The following TM6SF1 variants were observed in gnomAD, a reference collection of about 807,000 sequenced individuals.
TM6SF1 encodes the protein transmembrane 6 superfamily member 1.
Under a neutral mutation model 47.1 loss-of-function variants are expected in TM6SF1, and 43 were observed. The observed-to-expected ratio is 0.91, with a 90% CI of 0.72 to 1.18. The LOEUF (loss-of-function observed/expected upper bound fraction) is 1.18, where lower values mean the gene tolerates loss of function less well. Ranked by LOEUF, TM6SF1 falls within the 50% of genes most tolerant of loss-of-function variation. The pLI is 0.00. For missense variants in TM6SF1, 390 were observed against 449.0 expected (o/e 0.87, Z 1.19); for synonymous variants, 177 against 166.3 (o/e 1.06, Z -0.49).
intron 7 of TM6SF1, 36 bp from the exon 8 acceptor site, chr15:83,126,719 A>G (rs779774733): frequency 5.8e-6 from 9 of 1,541,422 alleles, no homozygotes; most frequent in Non-Finnish European, 8.0e-6. Flanking sequence ...ACCAGATGTG[A>G]TTGTATTTTT....
At chr15:83,120,185 G>A (rs752109644) in intron 4 of TM6SF1, 13 of 159,608 alleles carry the variant, frequency 8.1e-5, no homozygotes, top group Non-Finnish European at 1.5e-4. Context: ...AACAGGAGCC[G>A]AGTCTGATGT....
intron 4 of TM6SF1, 90 bp from the exon 5 acceptor site, chr15:83,121,831 T>C (rs562466879): frequency 1.1e-6 from 1 of 944,772 alleles, no homozygotes; most frequent in East Asian, 2.4e-5. Context: ...TTTACTAGTT[T>C]GAATACAAAA....
chr15:83,125,581 TG>T (rs2035669797), intron 7 of TM6SF1, among the ~76,000 whole-genome samples: 1 of 152,370 alleles, frequency 6.6e-6, no homozygotes, highest in East Asian at 1.9e-4. Flanking sequence ...GGATTTTTAT[TG>T]ATCAGTGATC....
intron 1 of TM6SF1, chr15:83,111,701 TG>T (rs2034199508): frequency 1.0e-6 from 1 of 984,764 alleles, no homozygotes; most frequent in Middle Eastern, 5.2e-4. Flanking sequence ...GCCATTGGAG[TG>T]GGCCAGGTAG....
chr15:83,124,692 G>C lies in TM6SF1; in HGVS notation c.624G>C (p.Ala208=), dbSNP rs144140472. ...TTTAGGTTATTCAAGAAGCCCAAGC[G>C]AAAGACCTGCTGAGAAGACCATTTG... is the stretch of plus-strand genomic sequence containing the variant. The part of the protein sequence containing the change: ...YPSKVIQEAQ[A]KDLLRRPFDL... Residue 208 remains alanine, a synonymous_variant, in exon 7 of 10, where the codon GCG becomes GCC. Coordinates refer to ENST00000322019, the MANE Select transcript of TM6SF1 (RefSeq NM_023003.5). 13 of 1,613,880 alleles carry C rather than the reference G, an allele frequency of 8.1e-6. No homozygotes were observed. The highest frequency in any genetic ancestry group is 1.1e-5 in the Non-Finnish European group (13 of 1,179,964).
intron 9 of TM6SF1, chr15:83,129,552 A>G (rs531264952): frequency 4.7e-4 from 71 of 152,348 alleles, no homozygotes; most frequent in African/African-American, 1.6e-3. Flanking sequence ...TTATTTGCCT[A>G]AGATTACAGT....
In TM6SF1 at chr15:83,137,239, A is replaced by G. The variant is rs549176314; in HGVS notation, c.*567A>G. Reference sequence around the variant, plus strand: ...TAAATTTTTTTGTGTGAATTTAAACAGCTAAATAGGGATCAGTAACTTTAT... The same window carrying G: ...TAAATTTTTTTGTGTGAATTTAAACGGCTAAATAGGGATCAGTAACTTTAT... On this transcript the variant is annotated 3_prime_UTR_variant, in exon 10 of 10. Transcript: ENST00000322019. The G allele has an allele frequency of 5.9e-5, 9 of 152,316 alleles. No homozygotes were observed. The highest frequency in any genetic ancestry group is 1.9e-4 in the African/African-American group (8 of 41,594). 9.4% of individuals were successfully genotyped at this position (152,316 alleles called of 1,614,324 possible). A position where few individuals can be genotyped will look rare whatever the true frequency, so the allele number is the denominator to read the frequency against.
chr15:83,116,115 G>A (rs1355720550), intron 3 of TM6SF1, among the ~76,000 whole-genome samples, 173 bp downstream of exon 3: 3 of 152,196 alleles, frequency 2.0e-5, no homozygotes, highest in African/African-American at 7.2e-5. Context: ...CAGAAAGGAC[G>A]GTTAGATCAC....
At chr15:83,109,460 C>T (rs942950137) in intron 1 of TM6SF1, among the ~76,000 whole-genome samples, 14 of 152,156 alleles carry the variant, frequency 9.2e-5, no homozygotes, top group Non-Finnish European at 1.5e-4. Context: ...CATGATGGAG[C>T]GCACTGGCAA....
Position 83,116,392 on chromosome 15 carries a change from A to C in TM6SF1, c.294+450A>C, listed in dbSNP as rs1206034095. ...CCATGCTGCCCAAATCATAGCTTTGATACTACCTGGTACTCGAGAGAGCTA... is the reference window on the plus strand; with the variant it reads ...CCATGCTGCCCAAATCATAGCTTTGCTACTACCTGGTACTCGAGAGAGCTA... On this transcript the variant is annotated intron_variant, in intron 3 of 9. Transcript: ENST00000322019. 2.6e-5 allele frequency among the ~76,000 whole-genome samples: 4 copies of C among 152,184 alleles called. No individual in the cohort carries two copies. In the East Asian group the frequency reaches 7.7e-4, roughly 29 times the overall value.
intron 9 of TM6SF1, 38 bp from the exon 10 acceptor site, chr15:83,136,443 T>A (rs780813635): frequency 2.6e-6 from 4 of 1,540,662 alleles, no homozygotes; most frequent in Non-Finnish European, 3.5e-6. Context: ...CTGAACACGT[T>A]TCATGCTTAC....
chr15:83,120,488 A>C (rs1027680164), intron 4 of TM6SF1, among the ~76,000 whole-genome samples: 3 of 152,212 alleles, frequency 2.0e-5, no homozygotes, highest in Middle Eastern at 6.8e-3. Flanking sequence ...TCTGGGTTAC[A>C]GAAAGTCATG....
At chr15:83,122,137 T>C in intron 5 of TM6SF1, 134 bp downstream of exon 5, 1 of 754,216 alleles carries the variant, frequency 1.3e-6, no homozygotes, top group Non-Finnish European at 2.2e-6. Flanking sequence ...GCAGAATAAT[T>C]CCTTTTTCTC....
intron 1 of TM6SF1, among the ~76,000 whole-genome samples, chr15:83,109,522 C>T (rs1414727794): frequency 6.6e-6 from 1 of 152,194 alleles, no homozygotes; most frequent in African/African-American, 2.4e-5. Flanking sequence ...TGTCCTCTTG[C>T]AGGTTAAAAC....
chr15:83,129,613 T>C (rs2036065442), intron 9 of TM6SF1: 1 of 152,228 alleles, frequency 6.6e-6, no homozygotes, highest in African/African-American at 2.4e-5. Context: ...CCAAAGCTCA[T>C]ATTCTTCTCC....
intron 1 of TM6SF1, among the ~76,000 whole-genome samples, chr15:83,110,123 C>T (rs2034014175): frequency 6.6e-6 from 1 of 152,164 alleles, no homozygotes; most frequent in Non-Finnish European, 1.5e-5. Context: ...ACCTTTTATG[C>T]AACTCTGAAA....
chr15:83,116,115 G>C (rs1355720550), intron 3 of TM6SF1, among the ~76,000 whole-genome samples, 173 bp downstream of exon 3: 1 of 152,196 alleles, frequency 6.6e-6, no homozygotes, highest in Non-Finnish European at 1.5e-5. Flanking sequence ...CAGAAAGGAC[G>C]GTTAGATCAC....
intron 8 of TM6SF1, 119 bp downstream of exon 8, chr15:83,126,966 G>A (rs528681697): frequency 1.5e-5 from 11 of 734,558 alleles, no homozygotes; most frequent in Non-Finnish European, 2.4e-5. Context: ...GCCGAGGCAG[G>A]TTGATCACGA....
chr15:83,136,684 C>G lies in TM6SF1; in HGVS notation c.*12C>G, dbSNP rs1480142169. ...AAAAAGTGGAATAAAAATATTACTT[C>G]ATGTTCCTCCTTTCTAAATTACTAA... On this transcript the variant is annotated 3_prime_UTR_variant, in exon 10 of 10. Coordinates refer to ENST00000322019, the MANE Select transcript of TM6SF1 (RefSeq NM_023003.5). The G allele has an allele frequency of 1.3e-6, 2 of 1,579,956 alleles. No homozygotes were observed. Among genetic ancestry groups the G allele is most frequent in the South Asian group, 2.3e-5 (2 of 85,212 alleles).
Sources: gnomAD v4.1 joint callset for allele counts (sites outside exome capture counted in the v4.1 genomes callset) on GRCh38, gnomAD v4.1.1 for gene constraint, MANE v1.5 for transcripts, NCBI Gene and HGNC (gene_info 2026-07-23, HGNC 2026-07-21) for gene names.